Variants in F5 observed in about 807,000 individuals in gnomAD.
F5 encodes coagulation factor V, also known as activated protein c cofactor.
F5 carries 138 observed loss-of-function variants against 216.4 expected under a neutral mutation model. That is an observed-to-expected ratio of 0.64 (90% confidence interval 0.56 to 0.73). The LOEUF (loss-of-function observed/expected upper bound fraction) is 0.73, where lower values mean the gene tolerates loss of function less well. Ranked by LOEUF, F5 falls within the 30% of genes least tolerant of loss-of-function variation. The probability of loss-of-function intolerance (pLI) is 0.00; values close to 1 mark genes in which losing one functional copy is unlikely to be tolerated. For synonymous variants in F5, 916 were observed against 930.7 expected (o/e 0.98, Z 0.29); for missense variants, 2,403 against 2,674.0 (o/e 0.90, Z 2.24).
At position 169,541,870 on chromosome 1, in the gene F5, T is replaced by A. The variant is rs369568295; in HGVS notation, c.3220A>T (p.Asn1074Tyr). The change falls in exon 13 of 25, where the codon AAT (asparagine) becomes TAT (tyrosine). Residue 1074 changes from asparagine (N) to tyrosine (Y), a missense_variant. By Grantham distance (143) the Asn-to-Tyr change is moderately radical (BLOSUM62 -2). This residue lies in a region of F5 where 1,425 missense variants were observed against 1,554.8 expected (regional missense o/e 0.92). Transcript: ENST00000367797. ...LKHSLVLHKSNETSLPTDLNQ... is the reference protein window; with the variant it reads ...LKHSLVLHKSYETSLPTDLNQ... Reference sequence around the variant, plus strand: ...AGGTCTGTGGGAAGAGATGTTTCATTGGATTTATGAAGCACCAACGAATGC... The same window carrying A: ...AGGTCTGTGGGAAGAGATGTTTCATAGGATTTATGAAGCACCAACGAATGC... 9 of 1,614,106 alleles carry A rather than the reference T, an allele frequency of 5.6e-6. No individual in the cohort carries two copies. Among genetic ancestry groups the A allele is most frequent in the Non-Finnish European group, 7.6e-6 (9 of 1,179,972 alleles).
chr1:169,538,355 T>C (rs1183938614), intron 13 of F5, among the ~76,000 whole-genome samples: 2 of 152,136 alleles, frequency 1.3e-5, no homozygotes, highest in Admixed American at 1.3e-4. Flanking sequence ...GAGAAAATGG[T>C]CAAAAGATAA....
At position 169,542,796 on chromosome 1, in the gene F5, A is replaced by G. The variant is rs1294935710; in HGVS notation, c.2294T>C (p.Val765Ala). ...ALALENGTEF[V>A]SSNTDIIVGS... Reference sequence around the variant, plus strand: ...AACAATTATATCTGTGTTTGAAGAAACGAATTCAGTGCCATTCTCCAGAGC... The same window carrying G: ...AACAATTATATCTGTGTTTGAAGAAGCGAATTCAGTGCCATTCTCCAGAGC... The change falls in exon 13 of 25, where the codon GTT becomes GCT. Residue 765 changes from valine to alanine, a missense_variant. Physicochemically the swap from Val to Ala is moderately conservative, Grantham distance 64 (BLOSUM62 0). Transcript: ENST00000367797. The G allele has an allele frequency of 6.2e-7, 1 of 1,613,984 alleles. No homozygotes were observed. The highest frequency in any genetic ancestry group is 8.5e-7 in the Non-Finnish European group (1 of 1,180,010).
rs761306384 is a variant in F5 at position 169,540,418 on chromosome 1, T to C, written c.4672A>G (p.Ile1558Val). Residue 1558 changes from isoleucine to valine, a missense_variant, in exon 13 of 25, where the codon ATC becomes GTC. Physicochemically the swap from Ile to Val is conservative, Grantham distance 29 (BLOSUM62 3). Transcript: ENST00000367797. ...TTGTCAGGATCTCTGGAGGAGTTGA[T>C]GTTTGTCCTAACATCAGTTTTGTAG... The part of the protein sequence containing the change: ...DPYKTDVRTN[I>V]NSSRDPDNIA... 57 of 1,613,948 alleles carry C rather than the reference T, an allele frequency of 3.5e-5. No homozygotes were observed. Among genetic ancestry groups the C allele is most frequent in the Admixed American group, 1.5e-4 (9 of 59,970 alleles).
Position 169,514,695 on chromosome 1 carries a change from T to A in F5, c.6529-236A>T, listed in dbSNP as rs148262736. ...CAACCCAGAAAATTTTTTATCCTATTAGCTCAAAATGAGCATATCAAAGAA... is the reference window on the plus strand; with the variant it reads ...CAACCCAGAAAATTTTTTATCCTATAAGCTCAAAATGAGCATATCAAAGAA... On this transcript the variant is annotated intron_variant, in intron 24 of 24. Coordinates refer to ENST00000367797, the MANE Select transcript of F5 (RefSeq NM_000130.5). 3.4e-3 allele frequency among the ~76,000 whole-genome samples: 514 copies of A among 152,150 alleles called. 2 individuals carry two copies. The highest frequency in any genetic ancestry group is 0.012 in the African/African-American group (492 of 41,514).
intron 17 of F5, among the ~76,000 whole-genome samples, chr1:169,527,322 G>T (rs1032007003): frequency 6.6e-6 from 1 of 152,090 alleles, no homozygotes; most frequent in African/African-American, 2.4e-5. Flanking sequence ...CAACTCATTG[G>T]CACAGAAACA....
chr1:169,549,680 A>T, intron 10 of F5, 121 bp downstream of exon 10: 1 of 708,676 alleles, frequency 1.4e-6, no homozygotes, highest in South Asian at 1.7e-5. Flanking sequence ...GCTAAAAAGG[A>T]CTACTTGACA....
rs369788298 is a variant in F5 at position 169,515,635 on chromosome 1, A to G, written c.6346-9T>C. ...TGCTTATTGTTGTTTGCCTATGAAA[A>G]TGACAAAAACACATAGATAAGGAAG... On this transcript the variant is annotated splice_polypyrimidine_tract_variant and intron_variant, in intron 23 of 24. Transcript: ENST00000367797. The G allele has an allele frequency of 2.5e-5, 40 of 1,611,752 alleles. No individual in the cohort carries two copies. The African/African-American group carries it at 5.2e-4, about 21-fold the overall frequency.
intron 5 of F5, among the ~76,000 whole-genome samples, chr1:169,558,654 C>G (rs1172635651): frequency 6.6e-6 from 1 of 152,112 alleles, no homozygotes; most frequent in Non-Finnish European, 1.5e-5. Context: ...TATGATTTTG[C>G]CTTCTCATAA....
At chr1:169,539,708 A>G (rs915805095) in intron 13 of F5, among the ~76,000 whole-genome samples, 1 of 152,166 alleles carries the variant, frequency 6.6e-6, no homozygotes, top group Non-Finnish European at 1.5e-5. Context: ...ATCATGCTAT[A>G]TCCCTGAGAA....
At chr1:169,525,815 TTGAATATTTCCAA>T in intron 18 of F5, 73 bp downstream of exon 18, 1 of 964,874 alleles carries the variant, frequency 1.0e-6, no homozygotes, top group Non-Finnish European at 1.7e-6. Context: ...GTTCTTAGAG[TTGAATATTTCCAA>T]TCTAAAAGTT....
intron 14 of F5, 25 bp downstream of exon 14, chr1:169,536,481 T>A: frequency 1.2e-6 from 2 of 1,607,520 alleles, no homozygotes; most frequent in African/African-American, 1.3e-5. Context: ...CCTCCGAAGA[T>A]CTTAGCAGTG....
At chr1:169,561,846 T>C (rs1427761299) in intron 3 of F5, among the ~76,000 whole-genome samples, 1 of 152,070 alleles carries the variant, frequency 6.6e-6, no homozygotes, top group Non-Finnish European at 1.5e-5. Flanking sequence ...CCAATAAAAC[T>C]CCTCTTACTG....
intron 17 of F5, among the ~76,000 whole-genome samples, chr1:169,527,494 G>T (rs1397372894): frequency 3.3e-5 from 5 of 151,986 alleles, no homozygotes; most frequent in Non-Finnish European, 7.4e-5. Context: ...GTGATTCCTG[G>T]AGTCACTTGC....
chr1:169,584,557 A>T (rs1661061764), intron 1 of F5, among the ~76,000 whole-genome samples: 1 of 152,218 alleles, frequency 6.6e-6, no homozygotes, highest in Non-Finnish European at 1.5e-5. Flanking sequence ...TGTCCTGCTA[A>T]TATTATATGA....
intron 6 of F5, 84 bp downstream of exon 6, chr1:169,556,562 A>C: frequency 7.3e-7 from 1 of 1,372,378 alleles, no homozygotes; most frequent in Middle Eastern, 1.8e-4. Flanking sequence ...GGTGGCTTGA[A>C]AGGGCAAGGG....
intron 1 of F5, among the ~76,000 whole-genome samples, chr1:169,584,035 T>C (rs1349092062): frequency 6.6e-6 from 1 of 152,362 alleles, no homozygotes; most frequent in Non-Finnish European, 1.5e-5. Context: ...ATGTCCCTAA[T>C]GTGGAAGTCC....
chr1:169,569,822 T>C (rs1019894768), intron 3 of F5, among the ~76,000 whole-genome samples: 1 of 152,032 alleles, frequency 6.6e-6, no homozygotes, highest in Non-Finnish European at 1.5e-5. Context: ...CTCTCAAATA[T>C]CTACCTCTGA....
At chr1:169,550,150 C>T in intron 9 of F5, 135 bp from the exon 10 acceptor site, 1 of 736,538 alleles carries the variant, frequency 1.4e-6, no homozygotes, top group Non-Finnish European at 2.2e-6. Flanking sequence ...TTAAATTATA[C>T]TTTAAGTTCT....
At chr1:169,563,291 G>A (rs1161320949) in intron 3 of F5, among the ~76,000 whole-genome samples, 1 of 152,036 alleles carries the variant, frequency 6.6e-6, no homozygotes, top group African/African-American at 2.4e-5. Flanking sequence ...TGATAGTGAT[G>A]TGGCTTGGTG....
Sources: gnomAD v4.1 joint callset for allele counts (sites outside exome capture counted in the v4.1 genomes callset) on GRCh38, gnomAD v4.1.1 for gene constraint, gnomAD v4.1.1 regional missense constraint, MANE v1.5 for transcripts, NCBI Gene and HGNC (gene_info 2026-07-23, HGNC 2026-07-21) for gene names.